The following NTM variants were observed in gnomAD, a reference collection of about 807,000 sequenced individuals.
NTM encodes the protein IgLON family member 2.
In NTM, 13 loss-of-function variants were observed where a neutral mutation model predicts 42.1. The observed-to-expected ratio is 0.31, with a 90% CI of 0.20 to 0.49. The LOEUF (loss-of-function observed/expected upper bound fraction) is 0.49. NTM is among the 20% of genes least tolerant of loss of function. NTM has a pLI of 0.99. For missense variants in NTM, 373 were observed against 452.8 expected, an observed-to-expected ratio of 0.82 and a Z score of 1.60; for synonymous variants, 187 against 179.2, an observed-to-expected ratio of 1.04 and a Z score of -0.35.
intron 1 of NTM, among the ~76,000 whole-genome samples, chr11:131,628,281 A>T (rs2063320872): frequency 6.6e-6 from 1 of 152,218 alleles, no homozygotes; most frequent in African/African-American, 2.4e-5. Flanking sequence ...GTAATTAATT[A>T]ACTTCTCTAA....
At chr11:131,552,488 G>C (rs1171674249) in intron 1 of NTM, among the ~76,000 whole-genome samples, 1 of 147,734 alleles carries the variant, frequency 6.8e-6, no homozygotes, top group Non-Finnish European at 1.5e-5. Flanking sequence ...CTGGGCGACA[G>C]AGCGAGACTC....
intron 1 of NTM, among the ~76,000 whole-genome samples, chr11:131,781,872 G>A (rs1016110825): frequency 4.6e-5 from 7 of 152,188 alleles, no homozygotes; most frequent in African/African-American, 1.7e-4. Context: ...GTGAGGCTGA[G>A]GAGACTGCAG....
chr11:132,099,241 G>A (rs1187212398), intron 2 of NTM, among the ~76,000 whole-genome samples: 1 of 152,182 alleles, frequency 6.6e-6, no homozygotes, highest in East Asian at 1.9e-4. Context: ...GTTGGCTCCA[G>A]GTTGATTGGT....
chr11:132,184,164 G>A (rs987397865), intron 3 of NTM, among the ~76,000 whole-genome samples: 2 of 152,266 alleles, frequency 1.3e-5, no homozygotes, highest in East Asian at 3.9e-4. Context: ...AGATCTTCCT[G>A]TTCCATATGC....
intron 1 of NTM, among the ~76,000 whole-genome samples, chr11:131,680,627 CTGTG>C (rs34021892): frequency 5.1e-3 from 1 of 198 alleles, no homozygotes; most frequent in Non-Finnish European, 0.013. Context: ...CTGTGAGTGC[CTGTG>C]TGTGTGTCTG....
At chr11:131,569,714 C>A (rs1592082381) in intron 1 of NTM, among the ~76,000 whole-genome samples, 1 of 147,692 alleles carries the variant, frequency 6.8e-6, no homozygotes, top group Non-Finnish European at 1.5e-5. Flanking sequence ...AGAGCTGGGA[C>A]TACAGGTGCC....
chr11:132,087,446 G>C (rs1415720020), intron 2 of NTM, among the ~76,000 whole-genome samples: 2 of 152,280 alleles, frequency 1.3e-5, no homozygotes, highest in Non-Finnish European at 1.5e-5. Context: ...CTCATATCCA[G>C]TTTTCTTTCC....
intron 2 of NTM, among the ~76,000 whole-genome samples, chr11:131,924,012 C>T (rs2057593724): frequency 6.6e-6 from 1 of 152,222 alleles, no homozygotes; most frequent in Admixed American, 6.5e-5. Context: ...TGGCACTCTG[C>T]TCATACTTGG....
intron 2 of NTM, among the ~76,000 whole-genome samples, chr11:132,128,935 C>A: frequency 2.2e-5 from 1 of 45,268 alleles, no homozygotes. Flanking sequence ...GAGACACCAT[C>A]TCAAAAAAAA....
intron 1 of NTM, among the ~76,000 whole-genome samples, chr11:131,632,903 G>C (rs2137797179): frequency 6.8e-6 from 1 of 147,098 alleles, no homozygotes; most frequent in South Asian, 2.1e-4. Flanking sequence ...TCGATCTCCT[G>C]ACCTCGTGAT....
At chr11:132,202,610 G>A (rs1566459413) in intron 3 of NTM, among the ~76,000 whole-genome samples, 1 of 152,152 alleles carries the variant, frequency 6.6e-6, no homozygotes, top group Non-Finnish European at 1.5e-5. Context: ...CCACATAATA[G>A]GGCACTTATG....
chr11:131,966,841 T>C (rs893886291), intron 2 of NTM, among the ~76,000 whole-genome samples: 32 of 152,176 alleles, frequency 2.1e-4, no homozygotes, highest in African/African-American at 7.5e-4. Context: ...AGGACAGACA[T>C]GGTGGCAAGT....
chr11:132,189,893 A>G (rs537575961), intron 3 of NTM, among the ~76,000 whole-genome samples: 2 of 152,360 alleles, frequency 1.3e-5, no homozygotes, highest in East Asian at 3.9e-4. Flanking sequence ...GCTGGGGGCC[A>G]TAAAGGCGAA....
intron 1 of NTM, among the ~76,000 whole-genome samples, chr11:131,755,551 T>C (rs1160510330): frequency 1.3e-5 from 2 of 152,222 alleles, no homozygotes; most frequent in East Asian, 1.9e-4. Flanking sequence ...TTGGGACATA[T>C]ATTTTTATTA....
rs78610804 is a variant in NTM, at chr11:132,071,063, G to A, written c.168-75219G>A. On this transcript the variant is annotated intron_variant, in intron 2 of 8. Coordinates refer to ENST00000683400, the MANE Select transcript of NTM (RefSeq NM_001352005.2). ...GCCAAGTTAACACGTCACACTGACC[G>A]TCACAGGTTAGTTAACACGTCACAC... 2.8e-3 allele frequency among the ~76,000 whole-genome samples: 314 copies of A among 111,128 alleles called. 15 individuals are homozygous for A. Among genetic ancestry groups the A allele is most frequent in the African/African-American group, 8.3e-3 (251 of 30,206 alleles). The allele number at this position is 111,128 out of a possible 152,430, so 72.9% of individuals were successfully genotyped here.
intron 1 of NTM, among the ~76,000 whole-genome samples, chr11:131,591,270 G>A (rs1285814489): frequency 6.6e-6 from 1 of 152,202 alleles, no homozygotes; most frequent in African/African-American, 2.4e-5. Flanking sequence ...AAAGGTCCCT[G>A]GGGAAAGGGG....
At chr11:131,450,173 A>G (rs1950375526) in intron 1 of NTM, among the ~76,000 whole-genome samples, 2 of 152,072 alleles carry the variant, frequency 1.3e-5, no homozygotes, top group Admixed American at 1.3e-4. Flanking sequence ...CTACACTCCC[A>G]TGTGGGCCAG....
intron 1 of NTM, among the ~76,000 whole-genome samples, chr11:131,669,565 C>T (rs142589266): frequency 6.6e-6 from 1 of 152,202 alleles, no homozygotes; most frequent in African/African-American, 2.4e-5. Context: ...TACCTTGTTG[C>T]ACAGGTGAGG....
intron 2 of NTM, among the ~76,000 whole-genome samples, chr11:132,018,554 G>T (rs2073818641): frequency 1.3e-5 from 2 of 151,860 alleles, no homozygotes; most frequent in Non-Finnish European, 2.9e-5. Flanking sequence ...ACTAAGTCAA[G>T]CTATCATTTT....
Sources: gnomAD v4.1 joint callset for allele counts (sites outside exome capture counted in the v4.1 genomes callset) on GRCh38, gnomAD v4.1.1 for gene constraint, MANE v1.5 for transcripts, NCBI Gene and HGNC (gene_info 2026-07-23, HGNC 2026-07-21) for gene names.